Variants in STK32A observed in about 807,000 individuals in gnomAD.
STK32A encodes serine/threonine-protein kinase 32A.
Under a neutral mutation model 53.2 loss-of-function variants are expected in STK32A, and 41 were observed. That is an observed-to-expected ratio of 0.77 (90% CI 0.60 to 1.00). The LOEUF is 1.00. STK32A is among the 50% of genes least tolerant of loss of function. The pLI, the probability that STK32A is intolerant of heterozygous loss-of-function variation, is 0.00. For synonymous variants in STK32A, 166 were observed against 162.8 expected (o/e 1.02, Z -0.15); for missense variants, 458 against 485.8 (o/e 0.94, Z 0.54).
chr5:147,260,334 G>A (rs1257618586), intron 2 of STK32A, among the ~76,000 whole-genome samples: 1 of 142,228 alleles, frequency 7.0e-6, no homozygotes, highest in Non-Finnish European at 1.5e-5. Flanking sequence ...GTCTCTATCT[G>A]TCTCACTCTC....
chr5:147,321,308 T>G (rs569060911), intron 4 of STK32A, among the ~76,000 whole-genome samples: 3 of 152,354 alleles, frequency 2.0e-5, no homozygotes, highest in African/African-American at 7.2e-5. Flanking sequence ...AAGTTGAATA[T>G]TCAAGATATT....
intron 8 of STK32A, among the ~76,000 whole-genome samples, chr5:147,366,973 A>C (rs1756777757): frequency 6.6e-6 from 1 of 151,892 alleles, no homozygotes; most frequent in African/African-American, 2.4e-5. Context: ...AGGCATATCA[A>C]TTTTTATTTT....
the STK32A span, among the ~76,000 whole-genome samples, chr5:147,395,953 A>G: frequency 6.6e-6 from 1 of 152,182 alleles, no homozygotes; most frequent in Non-Finnish European, 1.5e-5. Flanking sequence ...AGCTTCGATC[A>G]GAAGGATCAA....
At position 147,246,923 on chromosome 5, in the gene STK32A, A is replaced by G. The variant is rs145646087; in HGVS notation, c.52+7237A>G. Among the ~76,000 whole-genome samples the G allele has an allele frequency of 4.6e-5, 7 of 152,294 alleles. No individual in the cohort carries two copies. In the East Asian group the frequency reaches 1.4e-3, roughly 29 times the overall value. ...TTTGATGAAAATTCATTGCTTCTTT[A>G]TGATTTTTTAAAACTCAAGAACATG... On this transcript the variant is annotated intron_variant, in intron 2 of 12. Coordinates refer to ENST00000397936, the MANE Select transcript of STK32A (RefSeq NM_001112724.2).
chr5:147,373,659 T>G (rs546944262), intron 10 of STK32A, among the ~76,000 whole-genome samples: 1 of 152,190 alleles, frequency 6.6e-6, no homozygotes, highest in Non-Finnish European at 1.5e-5. Flanking sequence ...GAAGTTTGTG[T>G]CCCTAGAGAT....
chr5:147,263,392 C>A (rs1274061911), intron 2 of STK32A, among the ~76,000 whole-genome samples: 1 of 152,162 alleles, frequency 6.6e-6, no homozygotes, highest in Non-Finnish European at 1.5e-5. Context: ...TAAATATGAG[C>A]AGACAACCAA....
chr5:147,397,727 C>A, the STK32A span: 1 of 1,614,114 alleles, frequency 6.2e-7, no homozygotes, highest in Non-Finnish European at 8.5e-7. Flanking sequence ...GGGTATGAAG[C>A]GGCCAGCCCC....
At chr5:147,396,869 A>C in the STK32A span, among the ~76,000 whole-genome samples, 1 of 51,452 alleles carries the variant, frequency 1.9e-5, no homozygotes, top group Non-Finnish European at 3.9e-5. Flanking sequence ...ATGTGTGTAT[A>C]TATATATATA....
intron 7 of STK32A, among the ~76,000 whole-genome samples, chr5:147,359,359 T>A (rs1200750234): frequency 6.6e-6 from 1 of 152,156 alleles, no homozygotes; most frequent in Non-Finnish European, 1.5e-5. Context: ...TGAATAAATG[T>A]GTATTAAAAT....
chr5:147,268,498 C>T (rs1204617026), intron 2 of STK32A, among the ~76,000 whole-genome samples: 2 of 152,114 alleles, frequency 1.3e-5, no homozygotes, highest in Non-Finnish European at 2.9e-5. Flanking sequence ...ATTGGGGATG[C>T]CTGCAGAGTA....
intron 4 of STK32A, among the ~76,000 whole-genome samples, chr5:147,294,065 T>C (rs1251450875): frequency 6.6e-6 from 1 of 152,184 alleles, no homozygotes; most frequent in African/African-American, 2.4e-5. Flanking sequence ...AGATCAATGT[T>C]TCAAGAAAAC....
intron 9 of STK32A, 132 bp from the exon 10 acceptor site, chr5:147,373,037 G>A: frequency 9.4e-7 from 1 of 1,065,308 alleles, no homozygotes; most frequent in Non-Finnish European, 1.4e-6. Context: ...CATTGTTTAT[G>A]GGATTAGGGA....
At chr5:147,355,983 C>T (rs2151995745) in intron 7 of STK32A, among the ~76,000 whole-genome samples, 1 of 152,008 alleles carries the variant, frequency 6.6e-6, no homozygotes. Context: ...TATAATGTAA[C>T]AATAATGATA....
At chr5:147,331,691 GGCCCTAA>G (rs1754879750) in intron 5 of STK32A, among the ~76,000 whole-genome samples, 1 of 152,166 alleles carries the variant, frequency 6.6e-6, no homozygotes, top group African/African-American at 2.4e-5. Flanking sequence ...CATTAGTGTA[GGCCCTAA>G]TCCAGTATGA....
intron 2 of STK32A, among the ~76,000 whole-genome samples, chr5:147,256,590 C>A (rs983597730): frequency 2.6e-5 from 4 of 152,192 alleles, no homozygotes; most frequent in African/African-American, 7.2e-5. Flanking sequence ...TGGCTCACTG[C>A]AACCTCTGCT....
chr5:147,247,996 C>G (rs1580983186), intron 2 of STK32A, among the ~76,000 whole-genome samples: 1 of 151,880 alleles, frequency 6.6e-6, no homozygotes, highest in South Asian at 2.1e-4. Context: ...TGGGGCCTAC[C>G]TGTAATCCCA....
At chr5:147,287,709 G>C (rs1038382487) in intron 4 of STK32A, among the ~76,000 whole-genome samples, 2 of 152,072 alleles carry the variant, frequency 1.3e-5, no homozygotes, top group African/African-American at 4.8e-5. Context: ...TAAAATGGAT[G>C]CAGCTCTTTC....
chr5:147,325,335 G>A (rs1754525555), intron 5 of STK32A, among the ~76,000 whole-genome samples: 1 of 151,234 alleles, frequency 6.6e-6, no homozygotes, highest in Non-Finnish European at 1.5e-5. Context: ...ATATATATTA[G>A]AGAGATGGGG....
At chr5:147,397,897 C>A in the STK32A span, 41 of 812,268 alleles carry the variant, frequency 5.0e-5, no homozygotes, top group African/African-American at 7.4e-4. Context: ...GAAAGAGGAA[C>A]GTACCTTCTC....
Sources: allele counts gnomAD v4.1 joint callset (sites outside exome capture counted in the v4.1 genomes callset), GRCh38; gene constraint gnomAD v4.1.1; transcripts MANE v1.5; gene names NCBI Gene and HGNC (gene_info 2026-07-23, HGNC 2026-07-21).